Variants in CNNM2 observed in about 807,000 individuals in gnomAD.
CNNM2 encodes metal transporter CNNM2.
CNNM2 carries 12 observed loss-of-function variants against 66.9 expected under a neutral mutation model. The ratio of observed to expected loss-of-function variants is 0.18; its 90% CI spans 0.11 to 0.29. CNNM2 has a LOEUF of 0.29. CNNM2 is among the 10% of genes least tolerant of loss of function. The pLI is 1.00. For synonymous variants in CNNM2, 557 were observed against 501.8 expected (o/e 1.11, Z -1.47); for missense variants, 705 against 1,167.7 (o/e 0.60, Z 5.77).
intron 1 of CNNM2, among the ~76,000 whole-genome samples, chr10:102,945,885 C>T (rs1846601663): frequency 6.6e-6 from 1 of 151,734 alleles, no homozygotes. Flanking sequence ...GTTTAGTTTG[C>T]CTTGGGCCTG....
Position 102,938,209 on chromosome 10 carries a change from G to C in CNNM2, c.1621+18108G>C, listed in dbSNP as rs574967666. 4.1e-4 allele frequency among the ~76,000 whole-genome samples: 62 copies of C among 151,768 alleles called. No homozygotes were observed. The South Asian group carries it at 6.7e-3, about 16-fold the overall frequency. On this transcript the variant is annotated intron_variant, in intron 1 of 7. Transcript: ENST00000369878. ...CCAGCACTCTGGGAGGCCGAGGCAG[G>C]TGGATTGCTCAAGATCAGGAGTTCG...
At chr10:103,073,184 A>AG (rs2065623085) in intron 6 of CNNM2, among the ~76,000 whole-genome samples, 1 of 152,182 alleles carries the variant, frequency 6.6e-6, no homozygotes, top group African/African-American at 2.4e-5. Context: ...CTCTTGGCAG[A>AG]GGAGAGGGTC....
intron 1 of CNNM2, among the ~76,000 whole-genome samples, chr10:102,949,212 G>A (rs1018183456): frequency 7.9e-5 from 12 of 152,130 alleles, no homozygotes; most frequent in African/African-American, 2.9e-4. Context: ...GTCTTGCTGT[G>A]TTGCCCAGGC....
At chr10:103,074,470 T>C (rs987150365) in intron 6 of CNNM2, among the ~76,000 whole-genome samples, 6 of 152,262 alleles carry the variant, frequency 3.9e-5, no homozygotes, top group African/African-American at 1.4e-4. Flanking sequence ...ACTCTGAATT[T>C]AATTTGTCTA....
chr10:102,956,059 G>A (rs1444747484), intron 1 of CNNM2, among the ~76,000 whole-genome samples: 8 of 151,984 alleles, frequency 5.3e-5, no homozygotes, highest in African/African-American at 1.4e-4. Context: ...AGGCTGAGGC[G>A]GGCGGATCAC....
chr10:102,984,810 C>T (rs370632203), intron 1 of CNNM2, among the ~76,000 whole-genome samples: 4 of 152,144 alleles, frequency 2.6e-5, no homozygotes, highest in African/African-American at 9.6e-5. Context: ...CTACGCCTGG[C>T]TAATTTTTGT....
intron 1 of CNNM2, among the ~76,000 whole-genome samples, chr10:103,010,204 A>G (rs979190695): frequency 6.6e-6 from 1 of 152,182 alleles, no homozygotes; most frequent in Non-Finnish European, 1.5e-5. Flanking sequence ...TGTACATTGC[A>G]AAATAGTATA....
At chr10:103,045,384 G>A (rs1039069387) in intron 1 of CNNM2, among the ~76,000 whole-genome samples, 1 of 152,122 alleles carries the variant, frequency 6.6e-6, no homozygotes, top group Non-Finnish European at 1.5e-5. Context: ...CCTAGAAGGG[G>A]GTCTGAGGCA....
intron 1 of CNNM2, among the ~76,000 whole-genome samples, chr10:102,945,122 C>T (rs2134184003): frequency 6.6e-6 from 1 of 152,226 alleles, no homozygotes; most frequent in South Asian, 2.1e-4. Context: ...TGGCATCTCA[C>T]TCCTCCCTTT....
At chr10:102,999,781 G>T (rs1160948408) in intron 1 of CNNM2, among the ~76,000 whole-genome samples, 1 of 152,172 alleles carries the variant, frequency 6.6e-6, no homozygotes, top group African/African-American at 2.4e-5. Flanking sequence ...ATAAGCACAT[G>T]TAAAGATTCT....
chr10:102,924,951 A>G (rs1845799887), intron 1 of CNNM2, among the ~76,000 whole-genome samples: 4 of 152,222 alleles, frequency 2.6e-5, no homozygotes. Context: ...GCTGGAAGGC[A>G]GGCAGCTTGA....
intron 1 of CNNM2, among the ~76,000 whole-genome samples, chr10:102,966,611 A>G (rs2063468615): frequency 6.6e-6 from 1 of 152,188 alleles, no homozygotes; most frequent in Admixed American, 6.5e-5. Context: ...TGGGCAACAG[A>G]GCGTGGACTC....
chr10:103,064,943 C>T (rs758125968), intron 4 of CNNM2, among the ~76,000 whole-genome samples: 8 of 152,142 alleles, frequency 5.3e-5, no homozygotes, highest in East Asian at 3.8e-4. Flanking sequence ...TGTAGAGGTG[C>T]GTCTTACTGG....
intron 1 of CNNM2, 66 bp from the exon 2 acceptor site, chr10:103,049,641 T>C (rs916395718): frequency 3.5e-6 from 5 of 1,441,824 alleles, no homozygotes; most frequent in Non-Finnish European, 4.8e-6. Context: ...TTTTACCATA[T>C]CACATATAAC....
intron 4 of CNNM2, among the ~76,000 whole-genome samples, chr10:103,057,644 T>G (rs1310357952): frequency 6.6e-6 from 1 of 152,170 alleles, no homozygotes; most frequent in Non-Finnish European, 1.5e-5. Flanking sequence ...CCATCCTTTT[T>G]TCCATCCTTC....
chr10:102,928,672 C>G (rs1845961200), intron 1 of CNNM2, among the ~76,000 whole-genome samples: 1 of 152,024 alleles, frequency 6.6e-6, no homozygotes, highest in African/African-American at 2.4e-5. Flanking sequence ...TGGTGAGAGC[C>G]TTCATATGGC....
rs2065795792 is a variant in CNNM2, at chr10:103,085,404, T to C, written c.*8224T>C. 2 of 152,172 alleles carry C rather than the reference T, an allele frequency of 1.3e-5. No individual in the cohort carries two copies. The highest frequency in any genetic ancestry group is 1.5e-5 in the Non-Finnish European group (1 of 68,040). The allele number at this position is 152,172 out of a possible 1,614,324, so 9.4% of individuals were successfully genotyped here. A position where few individuals can be genotyped will look rare whatever the true frequency, so the allele number is the denominator to read the frequency against. ...TTTTTCAGTGTGGGGAAGGTTTGCTTGGCAAATCTTCTTTCCAAGTATCTC... is the reference window on the plus strand; with the variant it reads ...TTTTTCAGTGTGGGGAAGGTTTGCTCGGCAAATCTTCTTTCCAAGTATCTC... On this transcript the variant is annotated 3_prime_UTR_variant, in exon 8 of 8. Transcript: ENST00000369878.
In CNNM2 at chr10:103,054,786, C is replaced by T. The variant is rs2134339066; in HGVS notation, c.1903+320C>T. On this transcript the variant is annotated intron_variant, in intron 3 of 7. Coordinates refer to ENST00000369878, the MANE Select transcript of CNNM2 (RefSeq NM_017649.5). The surrounding 1 kb of genome is among the most constrained non-coding windows in gnomAD (Gnocchi z 5.2). ...TACAGTAGGCCAGGCCATCTCCTTC[C>T]AGCTAGGTCCGTGGGAGAGCCAGCT... Among the ~76,000 whole-genome samples, 1 of 152,230 alleles carries T rather than the reference C, an allele frequency of 6.6e-6. No homozygotes were observed. The highest frequency in any genetic ancestry group is 2.1e-4 in the South Asian group (1 of 4,824).
intron 1 of CNNM2, among the ~76,000 whole-genome samples, chr10:103,036,622 T>TACCTGCTGTATAC (rs1208545971): frequency 6.6e-6 from 1 of 152,202 alleles, no homozygotes; most frequent in Non-Finnish European, 1.5e-5. Flanking sequence ...AAACCGTTTC[T>TACCTGCTGTATAC]CTCTTAGTTA....
Sources: allele counts gnomAD v4.1 joint callset (sites outside exome capture counted in the v4.1 genomes callset), GRCh38; gene constraint gnomAD v4.1.1; non-coding constraint Gnocchi (gnomAD v3.1); transcripts MANE v1.5; gene names NCBI Gene and HGNC (gene_info 2026-07-23, HGNC 2026-07-21).